Variants in WWOX observed in about 807,000 individuals in gnomAD.
WWOX encodes WW domain containing oxidoreductase.
WWOX carries 69 observed loss-of-function variants against 46.2 expected under a neutral mutation model. The observed-to-expected ratio is 1.49, with a 90% CI of 1.23 to 1.82. The LOEUF is 1.82. Ranked by LOEUF, WWOX falls within the 40% of genes most tolerant of loss-of-function variation. WWOX has a pLI of 0.00. For missense variants in WWOX, 919 were observed against 542.6 expected (o/e 1.69, Z -6.89); for synonymous variants, 359 against 202.6 (o/e 1.77, Z -6.56).
rs3764340 is a variant in WWOX, at chr16:78,432,540, C to G, written c.844C>G (p.Pro282Ala). 98,234 of 1,614,098 alleles carry G rather than the reference C, an allele frequency of 0.061. 3,391 individuals carry two copies. The highest frequency in any genetic ancestry group is 0.098 in the African/African-American group (7,344 of 75,022). Residue 282 changes from proline to alanine, a missense_variant, in exon 8 of 9, where the codon CCA becomes GCA. Coordinates refer to ENST00000566780, the MANE Select transcript of WWOX (RefSeq NM_016373.4). ...AAAACTGGACTTCAGTCGCCTCTCT[C>G]CAACAAAAAACGACTATTGGGCGAT... ...LGKLDFSRLS[P>A]TKNDYWAMLA...
At chr16:79,183,991 T>A (rs1597454582) in intron 8 of WWOX, among the ~76,000 whole-genome samples, 1 of 152,178 alleles carries the variant, frequency 6.6e-6, no homozygotes, top group Admixed American at 6.5e-5. Context: ...CTTTCTCAAC[T>A]CTCCTCACCT....
intron 8 of WWOX, among the ~76,000 whole-genome samples, chr16:78,814,671 T>C (rs75585110): frequency 1.6e-3 from 237 of 152,344 alleles, no homozygotes; most frequent in African/African-American, 5.5e-3. Context: ...GAAACCAGCG[T>C]GACATCCAGG....
At chr16:78,487,320 A>T (rs1036025502) in intron 8 of WWOX, among the ~76,000 whole-genome samples, 1 of 151,990 alleles carries the variant, frequency 6.6e-6, no homozygotes, top group African/African-American at 2.4e-5. Flanking sequence ...TCCCAGAAAA[A>T]GTAGATGCAT....
chr16:78,195,821 C>CA (rs148609646), intron 5 of WWOX, among the ~76,000 whole-genome samples: 23,876 of 75,710 alleles, frequency 0.32, 3,813 homozygotes, highest in South Asian at 0.48. Flanking sequence ...GACTCTGCCT[C>CA]AAAAAAAAAA....
chr16:78,908,131 A>T (rs186356378), intron 8 of WWOX, among the ~76,000 whole-genome samples: 2 of 152,176 alleles, frequency 1.3e-5, no homozygotes, highest in African/African-American at 4.8e-5. Context: ...CCAGGATTCT[A>T]TGGCCAAGTG....
intron 8 of WWOX, among the ~76,000 whole-genome samples, chr16:78,920,099 A>G (rs951120764): frequency 2.6e-5 from 4 of 152,078 alleles, no homozygotes; most frequent in African/African-American, 9.7e-5. Flanking sequence ...ACAAAGACTG[A>G]GTTCTTGTCT....
At chr16:78,737,356 G>T (rs1027765157) in intron 8 of WWOX, among the ~76,000 whole-genome samples, 1 of 147,190 alleles carries the variant, frequency 6.8e-6, no homozygotes, top group African/African-American at 2.6e-5. Flanking sequence ...GGCTGGTCTC[G>T]AACTTCTGAC....
At chr16:78,618,740 G>C (rs767248990) in intron 8 of WWOX, among the ~76,000 whole-genome samples, 22 of 151,954 alleles carry the variant, frequency 1.4e-4, no homozygotes, top group Non-Finnish European at 2.9e-4. Flanking sequence ...ACTCATGAGA[G>C]AATTCCCCAC....
intron 4 of WWOX, among the ~76,000 whole-genome samples, chr16:78,154,004 C>T (rs2034510257): frequency 6.6e-6 from 1 of 152,050 alleles, no homozygotes; most frequent in African/African-American, 2.4e-5. Flanking sequence ...CCCACCTGTC[C>T]AACCTACCAG....
intron 8 of WWOX, chr16:78,890,997 A>C (rs571865793): frequency 1.9e-4 from 29 of 152,294 alleles, no homozygotes; most frequent in African/African-American, 6.5e-4. Context: ...CATTCTGACA[A>C]ATTTTTAGTA....
intron 8 of WWOX, among the ~76,000 whole-genome samples, chr16:78,451,775 T>G (rs567609751): frequency 1.3e-5 from 2 of 152,294 alleles, no homozygotes; most frequent in Admixed American, 1.3e-4. Flanking sequence ...ATACAGACAC[T>G]TATTGTCAAA....
At chr16:78,827,455 T>G (rs1475056073) in intron 8 of WWOX, among the ~76,000 whole-genome samples, 1 of 151,940 alleles carries the variant, frequency 6.6e-6, no homozygotes, top group African/African-American at 2.4e-5. Flanking sequence ...TTTTCTGTTC[T>G]GCAAGTTTCT....
intron 8 of WWOX, among the ~76,000 whole-genome samples, chr16:78,473,566 C>T (rs1796449434): frequency 8.2e-6 from 1 of 122,356 alleles, no homozygotes; most frequent in Non-Finnish European, 1.6e-5. Context: ...ATACACTTAT[C>T]TGTGAGCAGA....
intron 8 of WWOX, among the ~76,000 whole-genome samples, chr16:78,884,230 G>C (rs1427741221): frequency 7.1e-6 from 1 of 141,844 alleles, no homozygotes; most frequent in African/African-American, 2.7e-5. Context: ...CTGTGATTAG[G>C]TCCCTGCACT....
At chr16:78,950,351 T>A (rs1011727444) in intron 8 of WWOX, among the ~76,000 whole-genome samples, 1 of 152,182 alleles carries the variant, frequency 6.6e-6, no homozygotes, top group Non-Finnish European at 1.5e-5. Context: ...TGAGTACTTT[T>A]CAGTGTTTGT....
intron 8 of WWOX, among the ~76,000 whole-genome samples, chr16:78,777,071 G>T (rs1367324088): frequency 1.3e-5 from 2 of 152,178 alleles, no homozygotes; most frequent in African/African-American, 4.8e-5. Context: ...TGAAAATGAG[G>T]AAAATTGGGA....
intron 6 of WWOX, among the ~76,000 whole-genome samples, chr16:78,402,670 A>G (rs1234696767): frequency 6.6e-6 from 1 of 152,200 alleles, no homozygotes; most frequent in African/African-American, 2.4e-5. Context: ...CAAGTCCACG[A>G]TCAAAGCCAA....
At chr16:78,489,488 A>G (rs940713619) in intron 8 of WWOX, among the ~76,000 whole-genome samples, 5 of 151,722 alleles carry the variant, frequency 3.3e-5, no homozygotes, top group Non-Finnish European at 5.9e-5. Context: ...TTTTTTTTCT[A>G]ACCACTTTCC....
chr16:78,887,468 AACACACACACACACACAC>A (rs78503110), intron 8 of WWOX, among the ~76,000 whole-genome samples: 72 of 136,072 alleles, frequency 5.3e-4, no homozygotes, highest in African/African-American at 1.3e-3. Flanking sequence ...AAGTATATAA[AACACACACACACACACAC>A]ACACACACAC....
Sources: allele counts gnomAD v4.1 joint callset (sites outside exome capture counted in the v4.1 genomes callset), GRCh38; gene constraint gnomAD v4.1.1; transcripts MANE v1.5; gene names NCBI Gene and HGNC (gene_info 2026-07-23, HGNC 2026-07-21).